Variants in ATXN2 observed in about 807,000 individuals in gnomAD.
ATXN2 encodes ataxin-2.
ATXN2 carries 37 observed loss-of-function variants against 138.6 expected under a neutral mutation model. The ratio of observed to expected loss-of-function variants is 0.27; its 90% CI spans 0.21 to 0.35. ATXN2 has a LOEUF of 0.35. Among genes scored for constraint, ATXN2 ranks in the 10% least tolerant of loss-of-function variants. The pLI is 1.00. For synonymous variants in ATXN2, 549 were observed against 543.7 expected (o/e 1.01, Z -0.13); for missense variants, 1,216 against 1,480.3 (o/e 0.82, Z 2.93).
chr12:111,560,031 G>A (rs1306398770), intron 1 of ATXN2, among the ~76,000 whole-genome samples: 2 of 151,974 alleles, frequency 1.3e-5, no homozygotes, highest in Non-Finnish European at 2.9e-5. Context: ...AGAGAGCTGG[G>A]AGGACTCCTC....
At chr12:111,461,641 A>G (rs1468905740) in intron 21 of ATXN2, among the ~76,000 whole-genome samples, 2 of 151,908 alleles carry the variant, frequency 1.3e-5, no homozygotes. Flanking sequence ...AAAGCCAAGG[A>G]AAAAAATAGC....
At chr12:111,512,305 T>TTTTG (rs541209261) in intron 11 of ATXN2, among the ~76,000 whole-genome samples, 33 of 152,268 alleles carry the variant, frequency 2.2e-4, no homozygotes, top group East Asian at 7.7e-4. Context: ...AAAGTGTTTT[T>TTTTG]TTTGTTTGTT....
In ATXN2 at chr12:111,518,302, T is replaced by A. The variant is rs538979768; in HGVS notation, c.1112A>T (p.His371Leu). 6.2e-6 allele frequency: 10 copies of A among 1,612,802 alleles called. No individual in the cohort carries two copies. In the East Asian group the frequency reaches 2.0e-4, roughly 32 times the overall value. The change falls in exon 9 of 25, where the codon CAC becomes CTC. Residue 371 changes from histidine to leucine, a missense_variant. This residue lies in a region of ATXN2 where 401 missense variants were observed against 528.1 expected (regional missense o/e 0.76). Transcript: ENST00000673436. ...SGSMPSRSTS[H>L]TSDFNPNSGS... ...AGAATTCGGGTTGAAATCTGAAGTG[T>A]GAGAAGTGGATCTTGATGGCATGGA...
intron 5 of ATXN2, among the ~76,000 whole-genome samples, chr12:111,528,271 ATGTG>A (rs1011180130): frequency 3.9e-5 from 6 of 152,100 alleles, no homozygotes; most frequent in Middle Eastern, 3.4e-3. Context: ...ACTACAGGGT[ATGTG>A]TGTGTGTGTG....
At chr12:111,577,570 G>A (rs1162576092) in intron 1 of ATXN2, among the ~76,000 whole-genome samples, 2 of 151,960 alleles carry the variant, frequency 1.3e-5, no homozygotes, top group Non-Finnish European at 2.9e-5. Flanking sequence ...CGGCCCGCAT[G>A]TTTCAATTAA....
At position 111,529,131 on chromosome 12, in the gene ATXN2, T is replaced by TA. The variant is rs770716960; in HGVS notation, c.572-3816dup. Among the ~76,000 whole-genome samples, 1,159 of 144,926 alleles carry TA rather than the reference T, an allele frequency of 8.0e-3. 6 individuals carry two copies. Among genetic ancestry groups the TA allele is most frequent in the Admixed American group, 0.012 (177 of 14,490 alleles). The stretch of plus-strand genomic sequence containing the variant: ...CACTATGCCCAGCAAGTCTGGATTT[T>TA]AAAAAAAAAAAACACTGTTGGTAGT... On this transcript the variant is annotated intron_variant, in intron 5 of 24. Coordinates refer to ENST00000673436, the MANE Select transcript of ATXN2 (RefSeq NM_001372574.1).
intron 20 of ATXN2, chr12:111,469,327 T>C (rs1876244676): frequency 6.6e-6 from 1 of 152,220 alleles, no homozygotes; most frequent in Admixed American, 6.5e-5. Context: ...TGAAAAACAT[T>C]TGAAGCAATC....
At chr12:111,543,255 A>T (rs1881625810) in intron 5 of ATXN2, among the ~76,000 whole-genome samples, 1 of 152,190 alleles carries the variant, frequency 6.6e-6, no homozygotes, top group African/African-American at 2.4e-5. Context: ...GCCGTTCAGA[A>T]GAGATCCCTG....
At chr12:111,480,312 T>A (rs1424504152) in intron 18 of ATXN2, among the ~76,000 whole-genome samples, 4 of 152,208 alleles carry the variant, frequency 2.6e-5, no homozygotes, top group Non-Finnish European at 4.4e-5. Context: ...TAGAACAAGA[T>A]AAATTGGATT....
intron 9 of ATXN2, among the ~76,000 whole-genome samples, chr12:111,517,312 T>A (rs1363469951): frequency 6.6e-6 from 1 of 152,124 alleles, no homozygotes; most frequent in African/African-American, 2.4e-5. Context: ...CTAAAATCTT[T>A]CCTCAGTGAG....
intron 18 of ATXN2, among the ~76,000 whole-genome samples, chr12:111,477,295 G>C (rs1380166925): frequency 6.6e-6 from 1 of 151,946 alleles, no homozygotes; most frequent in Admixed American, 6.6e-5. Context: ...GGAGGTTGCA[G>C]TGAGCCAAGG....
chr12:111,453,888 G>A lies in ATXN2; in HGVS notation c.3271-43C>T. 1 of 1,557,958 alleles carries A rather than the reference G, an allele frequency of 6.4e-7. No individual in the cohort carries two copies. Among genetic ancestry groups the A allele is most frequent in the Non-Finnish European group, 8.7e-7 (1 of 1,145,810 alleles). On this transcript the variant is annotated intron_variant, in intron 23 of 24. Transcript: ENST00000673436. The surrounding 1 kb of genome is among the most constrained non-coding windows in gnomAD (Gnocchi z 5.4). ...TTTACGCATACAGGCAACATCTCCG[G>A]CTTCAACAACATGTCAACTGTGTTC...
chr12:111,483,194 T>TACACACACACAC (rs59840296), intron 18 of ATXN2, among the ~76,000 whole-genome samples: 1 of 95,422 alleles, frequency 1.0e-5, no homozygotes, highest in Non-Finnish European at 1.9e-5. Flanking sequence ...ATCAAACACA[T>TACACACACACAC]ACACACACAC....
chr12:111,571,655 A>G (rs1883321240), intron 1 of ATXN2, among the ~76,000 whole-genome samples: 1 of 152,166 alleles, frequency 6.6e-6, no homozygotes, highest in Admixed American at 6.6e-5. Flanking sequence ...ATGGAGTTCT[A>G]TTAGGGGTCA....
Position 111,580,749 on chromosome 12 carries a change from A to G in ATXN2, c.251+18035T>C, listed in dbSNP as rs574208174. ...GAGACAGAGAAAGAAAAAGAAAGGA[A>G]AAAATAAAAAGGAGAGAAAGGAAGG... On this transcript the variant is annotated intron_variant, in intron 1 of 24. Transcript: ENST00000673436. Among the ~76,000 whole-genome samples, 4 of 151,384 alleles carry G rather than the reference A, an allele frequency of 2.6e-5. No individual in the cohort carries two copies. In the East Asian group the frequency reaches 7.8e-4, roughly 30 times the overall value.
intron 1 of ATXN2, among the ~76,000 whole-genome samples, chr12:111,572,235 T>C (rs554043336): frequency 2.6e-5 from 4 of 152,050 alleles, no homozygotes; most frequent in African/African-American, 7.2e-5. Flanking sequence ...CCCCCATCTC[T>C]ACTAAATACA....
At chr12:111,557,535 C>T (rs1004206229) in intron 1 of ATXN2, among the ~76,000 whole-genome samples, 1 of 152,206 alleles carries the variant, frequency 6.6e-6, no homozygotes, top group Admixed American at 6.5e-5. Context: ...ATACTAAGTA[C>T]TTCACATGCA....
chr12:111,579,759 C>T (rs896703190), intron 1 of ATXN2, among the ~76,000 whole-genome samples: 3 of 148,480 alleles, frequency 2.0e-5, no homozygotes, highest in African/African-American at 7.5e-5. Context: ...AGTGCAGTGG[C>T]GTGTTCTTGG....
intron 21 of ATXN2, among the ~76,000 whole-genome samples, chr12:111,463,001 CAT>C (rs1566004427): frequency 7.6e-6 from 1 of 130,916 alleles, no homozygotes; most frequent in Non-Finnish European, 1.5e-5. Flanking sequence ...CACACACACA[CAT>C]ATATGTATGT....
Sources: allele counts gnomAD v4.1 joint callset (sites outside exome capture counted in the v4.1 genomes callset), GRCh38; gene constraint gnomAD v4.1.1; regional missense constraint gnomAD v4.1.1; non-coding constraint Gnocchi (gnomAD v3.1); transcripts MANE v1.5; gene names NCBI Gene and HGNC (gene_info 2026-07-23, HGNC 2026-07-21).